TMEM232: variants seen among roughly 807,000 people sequenced by gnomAD.
TMEM232 encodes the protein transmembrane protein 232.
In TMEM232, 80 loss-of-function variants were observed where a neutral mutation model predicts 78.8. The ratio of observed to expected loss-of-function variants is 1.01; its 90% confidence interval spans 0.85 to 1.22. The LOEUF is 1.22. Among genes scored for constraint, TMEM232 ranks in the 50% most tolerant of loss-of-function variants. TMEM232 has a pLI of 0.00. For synonymous variants in TMEM232, 297 were observed against 254.3 expected, an observed-to-expected ratio of 1.17 and a Z score of -1.60; for missense variants, 881 against 742.2, an observed-to-expected ratio of 1.19 and a Z score of -2.17.
chr5:110,523,967 G>T (rs868864176), intron 12 of TMEM232, among the ~76,000 whole-genome samples: 1 of 27,460 alleles, frequency 3.6e-5, no homozygotes, highest in Non-Finnish European at 8.0e-5. Context: ...AAAAAAAAAA[G>T]GGGGGGGGGC....
chr5:110,449,597 C>CT (rs1760044159), intron 12 of TMEM232, among the ~76,000 whole-genome samples: 1 of 151,502 alleles, frequency 6.6e-6, no homozygotes, highest in Admixed American at 6.6e-5. Flanking sequence ...CTGATTCTAC[C>CT]TTCACAATTA....
At chr5:110,423,795 G>A (rs1428838559) in intron 13 of TMEM232, among the ~76,000 whole-genome samples, 6 of 151,666 alleles carry the variant, frequency 4.0e-5, no homozygotes, top group Non-Finnish European at 8.8e-5. Flanking sequence ...GTGTGTGTGT[G>A]TGTGTGTGTG....
intron 11 of TMEM232, among the ~76,000 whole-genome samples, chr5:110,548,782 TA>T (rs1350622156): frequency 6.6e-6 from 1 of 152,052 alleles, no homozygotes; most frequent in Non-Finnish European, 1.5e-5. Context: ...TCAGGGAGCA[TA>T]AAATTAAAAG....
chr5:110,576,423 TAAG>T (rs1777579852), intron 10 of TMEM232, among the ~76,000 whole-genome samples: 2 of 151,994 alleles, frequency 1.3e-5, no homozygotes, highest in Non-Finnish European at 2.9e-5. Flanking sequence ...TGCTTATAGA[TAAG>T]AAGAATCAAT....
intron 12 of TMEM232, among the ~76,000 whole-genome samples, chr5:110,500,833 A>T (rs1016944883): frequency 5.3e-5 from 8 of 152,206 alleles, no homozygotes; most frequent in African/African-American, 1.9e-4. Flanking sequence ...TGGAACAGCC[A>T]CTTACAGAGC....
chr5:110,579,587 A>AT (rs1777942437), intron 10 of TMEM232, among the ~76,000 whole-genome samples: 1 of 151,808 alleles, frequency 6.6e-6, no homozygotes, highest in African/African-American at 2.4e-5. Flanking sequence ...AGAGTTTTGT[A>AT]TAAGATTGAT....
At chr5:110,604,862 G>C (rs1236584097) in intron 10 of TMEM232, among the ~76,000 whole-genome samples, 1 of 152,124 alleles carries the variant, frequency 6.6e-6, no homozygotes, top group Non-Finnish European at 1.5e-5. Flanking sequence ...GGAGGCTGAG[G>C]CAGGAGAAAG....
chr5:110,465,198 T>G (rs909820889), intron 12 of TMEM232, among the ~76,000 whole-genome samples: 3 of 152,242 alleles, frequency 2.0e-5, no homozygotes, highest in African/African-American at 4.8e-5. Context: ...TTGAGAAGAT[T>G]AGACTGTTTA....
At chr5:110,436,936 G>A (rs1758500524) in intron 12 of TMEM232, among the ~76,000 whole-genome samples, 1 of 151,810 alleles carries the variant, frequency 6.6e-6, no homozygotes, top group South Asian at 2.1e-4. Context: ...GCTATTCTGG[G>A]ACTTTGTGAT....
chr5:110,446,155 C>A (rs1354739915), intron 12 of TMEM232, among the ~76,000 whole-genome samples: 3 of 152,086 alleles, frequency 2.0e-5, no homozygotes, highest in African/African-American at 4.8e-5. Context: ...CAGAGAATCT[C>A]CTGCCTGGGA....
intron 10 of TMEM232, among the ~76,000 whole-genome samples, chr5:110,579,757 G>T (rs1777968431): frequency 6.6e-6 from 1 of 151,198 alleles, no homozygotes; most frequent in East Asian, 1.9e-4. Context: ...AGAAGACAGA[G>T]CAGGAAAAGA....
chr5:110,646,716 C>T (rs1345825275), intron 2 of TMEM232, among the ~76,000 whole-genome samples: 1 of 151,718 alleles, frequency 6.6e-6, no homozygotes, highest in Non-Finnish European at 1.5e-5. Flanking sequence ...ATCTTGTGCA[C>T]AGTATAAAAA....
intron 12 of TMEM232, among the ~76,000 whole-genome samples, chr5:110,508,409 A>ATG (rs1180158835): frequency 6.6e-6 from 1 of 150,996 alleles, no homozygotes; most frequent in African/African-American, 2.4e-5. Flanking sequence ...ATATATATAT[A>ATG]AAATACATAT....
intron 1 of TMEM232, among the ~76,000 whole-genome samples, chr5:110,735,320 C>A (rs1580834184): frequency 6.6e-6 from 1 of 152,140 alleles, no homozygotes; most frequent in African/African-American, 2.4e-5. Flanking sequence ...TTCAACTCAA[C>A]AATAATAATG....
At chr5:110,610,376 A>T in intron 8 of TMEM232, 1 of 184,846 alleles carries the variant, frequency 5.4e-6, no homozygotes, top group South Asian at 8.6e-5. Flanking sequence ...TAATGCAAGT[A>T]TTCATGAGAA....
intron 11 of TMEM232, among the ~76,000 whole-genome samples, chr5:110,558,631 C>T (rs916358503): frequency 6.6e-6 from 1 of 152,108 alleles, no homozygotes; most frequent in African/African-American, 2.4e-5. Context: ...TAAGATAGCC[C>T]TGTTCTGTAC....
chr5:110,580,694 C>A (rs576669644), intron 10 of TMEM232, among the ~76,000 whole-genome samples: 1 of 150,998 alleles, frequency 6.6e-6, no homozygotes, highest in Non-Finnish European at 1.5e-5. Flanking sequence ...ACTAAATAGA[C>A]CTAAAAGGCA....
intron 12 of TMEM232, among the ~76,000 whole-genome samples, chr5:110,524,748 G>C (rs1581074366): frequency 6.6e-6 from 1 of 152,112 alleles, no homozygotes; most frequent in African/African-American, 2.4e-5. Flanking sequence ...GTGGGGTATT[G>C]ATATCTTCTA....
intron 2 of TMEM232, among the ~76,000 whole-genome samples, chr5:110,399,341 TCTC>T (rs1179036629): frequency 1.3e-5 from 2 of 152,112 alleles, no homozygotes; most frequent in African/African-American, 2.4e-5. Flanking sequence ...CCTTCAGAGC[TCTC>T]CTCCTATTTG....
Sources: allele counts gnomAD v4.1 joint callset (sites outside exome capture counted in the v4.1 genomes callset), GRCh38; gene constraint gnomAD v4.1.1; transcripts MANE v1.5; gene names NCBI Gene and HGNC (gene_info 2026-07-23, HGNC 2026-07-21).